The following SUGP2 variants were observed in gnomAD, a reference collection of about 807,000 sequenced individuals.
SUGP2 encodes SURP and G-patch domain-containing protein 2.
A neutral mutation model predicts 90.5 loss-of-function variants in SUGP2; 24 were observed. That is an observed-to-expected ratio of 0.27 (90% CI 0.19 to 0.37). SUGP2 has a LOEUF of 0.37. Among genes scored for constraint, SUGP2 ranks in the 10% least tolerant of loss-of-function variants. The probability of loss-of-function intolerance (pLI) is 1.00; values close to 1 mark genes in which losing one functional copy is unlikely to be tolerated. For missense variants in SUGP2, 1,233 were observed against 1,363.3 expected, an observed-to-expected ratio of 0.90 and a Z score of 1.51; for synonymous variants, 473 against 513.4, an observed-to-expected ratio of 0.92 and a Z score of 1.06.
chr19:19,026,431 A>G (rs1452071389), intron 2 of SUGP2, among the ~76,000 whole-genome samples: 1 of 152,176 alleles, frequency 6.6e-6, no homozygotes, highest in Non-Finnish European at 1.5e-5. Flanking sequence ...ACTACTTACT[A>G]AAACAGAAGA....
At chr19:19,028,228 C>T (rs544711750) in intron 2 of SUGP2, among the ~76,000 whole-genome samples, 7 of 152,232 alleles carry the variant, frequency 4.6e-5, no homozygotes, top group African/African-American at 7.2e-5. Flanking sequence ...CCCCAGGTGA[C>T]GCTAACGTGC....
rs200488917 is a variant in SUGP2, at chr19:19,025,702, G to C, written c.646C>G (p.Leu216Val). 63 of 1,613,920 alleles carry C rather than the reference G, an allele frequency of 3.9e-5. No individual in the cohort carries two copies. Among genetic ancestry groups the C allele is most frequent in the Middle Eastern group, 1.6e-4 (1 of 6,062 alleles). ...GSQVQARGRALNIVDQEGSLL... is the reference protein window; with the variant it reads ...GSQVQARGRAVNIVDQEGSLL... ...GAACCTTCCTGGTCAACGATGTTTAGAGCTCGACCTCTGGCCTGGACTTGA... is the reference window on the plus strand; with the variant it reads ...GAACCTTCCTGGTCAACGATGTTTACAGCTCGACCTCTGGCCTGGACTTGA... The change falls in exon 3 of 11, where the codon CTA (leucine) becomes GTA (valine). Residue 216 changes from leucine to valine, a missense_variant. Coordinates refer to ENST00000452918, the MANE Select transcript of SUGP2 (RefSeq NM_001017392.5).
At chr19:19,023,858 CACTCCAGCCTGGGTG>C (rs1351028949) in intron 3 of SUGP2, among the ~76,000 whole-genome samples, 1 of 152,056 alleles carries the variant, frequency 6.6e-6, no homozygotes, top group African/African-American at 2.4e-5. Flanking sequence ...CATGCCACTG[CACTCCAGCCTGGGTG>C]ACAGAGCACG....
intron 8 of SUGP2, among the ~76,000 whole-genome samples, chr19:18,996,226 G>A (rs1326622160): frequency 3.3e-5 from 5 of 152,040 alleles, no homozygotes; most frequent in Non-Finnish European, 5.9e-5. Context: ...GCAAAACCCC[G>A]TCTCTACTAA....
intron 7 of SUGP2, among the ~76,000 whole-genome samples, chr19:19,002,358 C>A (rs1050842014): frequency 2.0e-5 from 3 of 147,700 alleles, no homozygotes; most frequent in African/African-American, 7.5e-5. Context: ...CCAGCCTGGG[C>A]GACAAGAACA....
At chr19:18,998,809 CACAA>C (rs974452585) in intron 8 of SUGP2, 47 of 152,376 alleles carry the variant, frequency 3.1e-4, no homozygotes, top group African/African-American at 1.1e-3. Flanking sequence ...GGAAGAGGGG[CACAA>C]ACAGTGAAGA....
At chr19:19,026,927 A>T (rs1460005740) in intron 2 of SUGP2, among the ~76,000 whole-genome samples, 1 of 152,162 alleles carries the variant, frequency 6.6e-6, no homozygotes, top group Non-Finnish European at 1.5e-5. Context: ...AACAAGATAC[A>T]TCAAGAGAGG....
At chr19:19,031,173 CGAGG>C (rs2059136741) in intron 1 of SUGP2, 91 bp from the exon 2 acceptor site, 1 of 1,385,160 alleles carries the variant, frequency 7.2e-7, no homozygotes, top group Non-Finnish European at 9.8e-7. Flanking sequence ...TTTGGGAGGT[CGAGG>C]TGGGCGGATC....
intron 3 of SUGP2, among the ~76,000 whole-genome samples, chr19:19,023,237 C>T (rs1037068706): frequency 2.0e-5 from 3 of 152,198 alleles, no homozygotes; most frequent in African/African-American, 4.8e-5. Context: ...CTCAATACAG[C>T]TCAAGCACGA....
At chr19:19,016,004 T>C (rs1335709447) in intron 4 of SUGP2, among the ~76,000 whole-genome samples, 1 of 152,226 alleles carries the variant, frequency 6.6e-6, no homozygotes, top group Admixed American at 6.5e-5. Context: ...TCTTATTACC[T>C]GAGACTATTC....
intron 3 of SUGP2, among the ~76,000 whole-genome samples, chr19:19,019,989 T>TATAAAAAA (rs1159888413): frequency 9.9e-5 from 1 of 10,152 alleles, no homozygotes; most frequent in Non-Finnish European, 2.0e-4. Flanking sequence ...TCTGCTAAAA[T>TATAAAAAA]ACAAAAAAAA....
At chr19:19,029,450 T>C (rs1376580741) in intron 2 of SUGP2, among the ~76,000 whole-genome samples, 2 of 147,760 alleles carry the variant, frequency 1.4e-5, no homozygotes, top group African/African-American at 5.0e-5. Flanking sequence ...TTTCTTTTTT[T>C]TTTTTTGAGA....
chr19:19,012,297 A>C (rs953190029), intron 4 of SUGP2, among the ~76,000 whole-genome samples: 1 of 152,218 alleles, frequency 6.6e-6, no homozygotes, highest in African/African-American at 2.4e-5. Flanking sequence ...TTCTCAAGTC[A>C]AACACAGCCC....
upstream of SUGP2, chr19:19,033,663 C>G: frequency 1.5e-6 from 1 of 686,340 alleles, no homozygotes; most frequent in Non-Finnish European, 1.9e-6. Context: ...GCTCTGGAGG[C>G]AAAACATTTC....
intron 3 of SUGP2, among the ~76,000 whole-genome samples, chr19:19,021,231 T>A (rs1195812154): frequency 6.6e-6 from 1 of 151,384 alleles, no homozygotes; most frequent in Admixed American, 6.6e-5. Flanking sequence ...AAATCACTGC[T>A]GAACTAGCGA....
intron 8 of SUGP2, among the ~76,000 whole-genome samples, chr19:19,000,564 A>C (rs1476229715): frequency 6.6e-6 from 1 of 152,062 alleles, no homozygotes; most frequent in Non-Finnish European, 1.5e-5. Flanking sequence ...TTTATGTTTT[A>C]TTTTTTAAGG....
intron 4 of SUGP2, among the ~76,000 whole-genome samples, chr19:19,016,782 T>C (rs1189327831): frequency 6.6e-6 from 1 of 152,162 alleles, no homozygotes; most frequent in South Asian, 2.1e-4. Context: ...AAATCAGTAA[T>C]GTGCTTAGAA....
intron 3 of SUGP2, among the ~76,000 whole-genome samples, chr19:19,022,017 G>A (rs917838013): frequency 6.6e-6 from 1 of 151,026 alleles, no homozygotes; most frequent in African/African-American, 2.4e-5. Flanking sequence ...ACAGAGTCTC[G>A]CTCTGTCGCC....
At chr19:19,004,066 ACT>A (rs111877343) in intron 7 of SUGP2, 100 bp downstream of exon 7, 8 of 938,208 alleles carry the variant, frequency 8.5e-6, no homozygotes, top group African/African-American at 4.9e-5. Context: ...GGTGCACAAA[ACT>A]CTTTTGGATT....
Sources: gnomAD v4.1 joint callset for allele counts (sites outside exome capture counted in the v4.1 genomes callset) on GRCh38, gnomAD v4.1.1 for gene constraint, MANE v1.5 for transcripts, NCBI Gene and HGNC (gene_info 2026-07-23, HGNC 2026-07-21) for gene names.